Variants in DNER observed in about 807,000 individuals in gnomAD.
DNER encodes delta and Notch-like epidermal growth factor-related receptor.
DNER carries 33 observed loss-of-function variants against 78.2 expected under a neutral mutation model. The ratio of observed to expected loss-of-function variants is 0.42; its 90% confidence interval spans 0.32 to 0.56. DNER has a LOEUF of 0.56. Ranked by LOEUF, DNER falls within the 20% of genes least tolerant of loss-of-function variation. The pLI is 0.11. For missense variants in DNER, 918 were observed against 975.3 expected (o/e 0.94, Z 0.78); for synonymous variants, 417 against 384.8 (o/e 1.08, Z -0.98).
intron 5 of DNER, 114 bp downstream of exon 5, chr2:229,546,833 A>G: frequency 2.1e-6 from 3 of 1,403,328 alleles, no homozygotes; most frequent in Admixed American, 3.8e-5. Flanking sequence ...AGACAGACAG[A>G]TAGATAGATA....
At chr2:229,632,318 C>A in intron 1 of DNER, among the ~76,000 whole-genome samples, 1 of 152,196 alleles carries the variant, frequency 6.6e-6, no homozygotes. Flanking sequence ...GTAGGAGACT[C>A]TGACACATTC....
At chr2:229,435,390 G>A (rs1481153380) in intron 8 of DNER, among the ~76,000 whole-genome samples, 1 of 152,108 alleles carries the variant, frequency 6.6e-6, no homozygotes, top group Non-Finnish European at 1.5e-5. Flanking sequence ...GCTAAACCCT[G>A]CCCAAATTAT....
intron 8 of DNER, among the ~76,000 whole-genome samples, chr2:229,425,681 C>T (rs1693859817): frequency 6.6e-6 from 1 of 152,214 alleles, no homozygotes. Context: ...CCTCTCCCCG[C>T]CCGTCCCTCA....
At chr2:229,463,420 T>A (rs544132200) in intron 7 of DNER, among the ~76,000 whole-genome samples, 16 of 152,274 alleles carry the variant, frequency 1.1e-4, no homozygotes, top group African/African-American at 3.4e-4. Flanking sequence ...GAATAATCAC[T>A]AGATCAAAAT....
chr2:229,462,993 T>C (rs945354731), intron 7 of DNER, among the ~76,000 whole-genome samples: 1 of 152,152 alleles, frequency 6.6e-6, no homozygotes, highest in Non-Finnish European at 1.5e-5. Flanking sequence ...CCTGATCGCC[T>C]CATCCTAGGT....
chr2:229,542,320 C>T (rs569093320), intron 5 of DNER, among the ~76,000 whole-genome samples: 21 of 152,116 alleles, frequency 1.4e-4, no homozygotes, highest in Admixed American at 9.8e-4. Flanking sequence ...GAGCTCCTTG[C>T]GATGTTGAAG....
At chr2:229,693,977 G>A (rs542178467) in intron 1 of DNER, among the ~76,000 whole-genome samples, 1 of 152,206 alleles carries the variant, frequency 6.6e-6, no homozygotes, top group African/African-American at 2.4e-5. Context: ...TGGAGGCCTA[G>A]GAGGGAAAAT....
At chr2:229,381,380 A>G (rs1419232700) in intron 11 of DNER, among the ~76,000 whole-genome samples, 2 of 152,098 alleles carry the variant, frequency 1.3e-5, no homozygotes, top group South Asian at 2.1e-4. Flanking sequence ...CTGCAGGAGT[A>G]CTTTTTTTTT....
At chr2:229,398,189 T>C (rs1574825438) in intron 10 of DNER, among the ~76,000 whole-genome samples, 1 of 151,882 alleles carries the variant, frequency 6.6e-6, no homozygotes, top group African/African-American at 2.4e-5. Context: ...GCAGAAAATA[T>C]CACCAAAGAC....
chr2:229,438,598 G>T (rs1275068816), intron 8 of DNER, among the ~76,000 whole-genome samples: 2 of 152,184 alleles, frequency 1.3e-5, no homozygotes, highest in Non-Finnish European at 2.9e-5. Context: ...TTCATAGATA[G>T]TCGCTACTCT....
intron 6 of DNER, among the ~76,000 whole-genome samples, chr2:229,504,791 G>A (rs1695700817): frequency 6.6e-6 from 1 of 152,184 alleles, no homozygotes; most frequent in Non-Finnish European, 1.5e-5. Context: ...CCTGCAGAAG[G>A]ACCTGGGTTC....
intron 5 of DNER, among the ~76,000 whole-genome samples, chr2:229,515,639 AT>A (rs1162899815): frequency 1.3e-4 from 9 of 71,538 alleles, no homozygotes; most frequent in Non-Finnish European, 2.8e-4. Flanking sequence ...AGTTAGCTTT[AT>A]TTTTTTATTT....
At chr2:229,687,778 T>C (rs781684832) in intron 1 of DNER, among the ~76,000 whole-genome samples, 51 of 152,218 alleles carry the variant, frequency 3.4e-4, no homozygotes, top group Non-Finnish European at 5.7e-4. Flanking sequence ...TTAATATCTG[T>C]AGCTGCCAAA....
intron 1 of DNER, among the ~76,000 whole-genome samples, chr2:229,600,076 G>C (rs937180275): frequency 6.6e-6 from 1 of 152,168 alleles, no homozygotes; most frequent in African/African-American, 2.4e-5. Context: ...GTGAAGCCTA[G>C]AAACCTGGAT....
At chr2:229,444,654 C>T (rs1694303118) in intron 8 of DNER, among the ~76,000 whole-genome samples, 1 of 152,032 alleles carries the variant, frequency 6.6e-6, no homozygotes, top group African/African-American at 2.4e-5. Flanking sequence ...TGTGGGAGGC[C>T]GAGGCAGGCA....
chr2:229,709,082 T>C (rs1699871632), intron 1 of DNER, among the ~76,000 whole-genome samples: 3 of 152,206 alleles, frequency 2.0e-5, no homozygotes. Context: ...AAAAGCTGTG[T>C]CTGTTCATTG....
intron 5 of DNER, among the ~76,000 whole-genome samples, chr2:229,533,419 G>A (rs1033469262): frequency 6.6e-6 from 1 of 152,170 alleles, no homozygotes; most frequent in African/African-American, 2.4e-5. Flanking sequence ...CAAAGCCGCG[G>A]CTTTGAAGCG....
chr2:229,526,523 A>T (rs576460641), intron 5 of DNER, among the ~76,000 whole-genome samples: 2 of 152,208 alleles, frequency 1.3e-5, no homozygotes, highest in South Asian at 4.1e-4. Flanking sequence ...TGGACAGGGT[A>T]GGGGGGTGGT....
At chr2:229,457,256 G>T (rs1406016805) in intron 7 of DNER, among the ~76,000 whole-genome samples, 1 of 152,010 alleles carries the variant, frequency 6.6e-6, no homozygotes, top group Non-Finnish European at 1.5e-5. Flanking sequence ...ATGGCAGTCT[G>T]GGGGAGTAAA....
Sources: allele counts gnomAD v4.1 joint callset (sites outside exome capture counted in the v4.1 genomes callset), GRCh38; gene constraint gnomAD v4.1.1; transcripts MANE v1.5; gene names NCBI Gene and HGNC (gene_info 2026-07-23, HGNC 2026-07-21).